The following STK39 variants were observed in gnomAD, a reference collection of about 807,000 sequenced individuals.
STK39 encodes STE20/SPS1-related proline-alanine-rich protein kinase.
A neutral mutation model predicts 77.8 loss-of-function variants in STK39; 20 were observed. The ratio of observed to expected loss-of-function variants is 0.26; its 90% confidence interval spans 0.18 to 0.37. The LOEUF is 0.37. Among genes scored for constraint, STK39 ranks in the 10% least tolerant of loss-of-function variants. The pLI, the probability that STK39 is intolerant of heterozygous loss-of-function variation, is 1.00. For synonymous variants in STK39, 246 were observed against 234.1 expected (o/e 1.05, Z -0.47); for missense variants, 479 against 656.5 (o/e 0.73, Z 2.95).
intron 1 of STK39, among the ~76,000 whole-genome samples, chr2:168,208,792 C>T (rs748324911): frequency 3.3e-5 from 5 of 152,222 alleles, no homozygotes; most frequent in Admixed American, 6.5e-5. Context: ...CTGAGCAGTG[C>T]TCCCATGACT....
chr2:168,097,123 C>T (rs1267760791), intron 10 of STK39, among the ~76,000 whole-genome samples: 1 of 152,208 alleles, frequency 6.6e-6, no homozygotes, highest in African/African-American at 2.4e-5. Context: ...ACAATTCAGG[C>T]AATACACCAC....
At chr2:168,087,422 C>T (rs565606554) in intron 10 of STK39, among the ~76,000 whole-genome samples, 26 of 152,292 alleles carry the variant, frequency 1.7e-4, no homozygotes, top group African/African-American at 5.1e-4. Flanking sequence ...ATTTGTTAGA[C>T]GTGATTAAGT....
At chr2:168,034,480 C>T (rs193208897) in intron 14 of STK39, among the ~76,000 whole-genome samples, 6 of 152,158 alleles carry the variant, frequency 3.9e-5, no homozygotes, top group East Asian at 1.9e-4. Context: ...AAGTCTCTGA[C>T]GAAAAAAGGG....
chr2:168,154,948 A>G (rs1277486922), intron 5 of STK39, among the ~76,000 whole-genome samples: 2 of 152,224 alleles, frequency 1.3e-5, no homozygotes, highest in Non-Finnish European at 2.9e-5. Flanking sequence ...CTCTGCTTTC[A>G]AGTCTAAAAA....
At chr2:168,100,040 C>T (rs1165335747) in intron 10 of STK39, among the ~76,000 whole-genome samples, 1 of 152,130 alleles carries the variant, frequency 6.6e-6, no homozygotes, top group Non-Finnish European at 1.5e-5. Context: ...AAGCAAAATG[C>T]CTGGGTAATT....
At chr2:168,219,342 A>G (rs1690106462) in intron 1 of STK39, among the ~76,000 whole-genome samples, 2 of 152,082 alleles carry the variant, frequency 1.3e-5, no homozygotes, top group Non-Finnish European at 2.9e-5. Flanking sequence ...TTCCACATAC[A>G]CTTAACTCTC....
intron 5 of STK39, among the ~76,000 whole-genome samples, chr2:168,141,662 T>C (rs1338957425): frequency 2.6e-5 from 4 of 152,210 alleles, no homozygotes; most frequent in Admixed American, 2.0e-4. Flanking sequence ...GACTACTTGA[T>C]AGCGAGCTGG....
In STK39 at chr2:168,110,412, A is replaced by AT. The variant is rs749190865; in HGVS notation, c.1089+19128dup. 4.6e-5 allele frequency among the ~76,000 whole-genome samples: 7 copies of AT among 151,860 alleles called. No individual in the cohort carries two copies. The East Asian group carries it at 5.8e-4, about 13-fold the overall frequency. ...CATGCCTGGCTAATTTTTTATTTTT[A>AT]TTTTTTGTAGAGATGCGGTCTCGCT... On this transcript the variant is annotated intron_variant, in intron 10 of 17. Coordinates refer to ENST00000355999, the MANE Select transcript of STK39 (RefSeq NM_013233.3).
At chr2:168,225,480 T>TA (rs1435452742) in intron 1 of STK39, among the ~76,000 whole-genome samples, 1 of 152,148 alleles carries the variant, frequency 6.6e-6, no homozygotes, top group Non-Finnish European at 1.5e-5. Context: ...CATAGTACTT[T>TA]AAATCCAGCA....
chr2:168,198,439 G>A (rs1689528944), intron 1 of STK39, among the ~76,000 whole-genome samples: 1 of 152,096 alleles, frequency 6.6e-6, no homozygotes, highest in Non-Finnish European at 1.5e-5. Flanking sequence ...CTAAAACAAT[G>A]TCAAGTTTGT....
chr2:168,060,028 C>G (rs926741754), intron 14 of STK39, among the ~76,000 whole-genome samples: 6 of 152,050 alleles, frequency 3.9e-5, no homozygotes, highest in Admixed American at 2.6e-4. Context: ...ATGTATTTAC[C>G]ATTTTCGTTT....
chr2:168,158,136 G>A (rs914160665), intron 5 of STK39, among the ~76,000 whole-genome samples: 2 of 152,080 alleles, frequency 1.3e-5, no homozygotes, highest in Admixed American at 6.6e-5. Context: ...CATGACTTTC[G>A]AGTAGCCACT....
At chr2:168,189,820 C>G (rs1489023012) in intron 1 of STK39, among the ~76,000 whole-genome samples, 1 of 152,188 alleles carries the variant, frequency 6.6e-6, no homozygotes, top group East Asian at 1.9e-4. Context: ...AGCTAAAACT[C>G]TATTGTAGGA....
intron 1 of STK39, among the ~76,000 whole-genome samples, chr2:168,195,793 G>C (rs1025023641): frequency 6.6e-6 from 1 of 152,176 alleles, no homozygotes; most frequent in Non-Finnish European, 1.5e-5. Context: ...TAGGTCGGTA[G>C]ATCATCTGAG....
At chr2:167,966,735 A>G (rs989902644) in intron 16 of STK39, among the ~76,000 whole-genome samples, 1 of 152,176 alleles carries the variant, frequency 6.6e-6, no homozygotes, top group Non-Finnish European at 1.5e-5. Context: ...CCAGTTGTGA[A>G]TCTCACACCT....
At chr2:168,080,006 A>G (rs16854677) in intron 10 of STK39, among the ~76,000 whole-genome samples, 3,242 of 152,170 alleles carry the variant, frequency 0.021, 115 homozygotes, top group African/African-American at 0.074. Context: ...CCAACTCTCC[A>G]TTCCTCTCTC....
At chr2:168,087,734 T>A (rs1686406173) in intron 10 of STK39, among the ~76,000 whole-genome samples, 1 of 152,172 alleles carries the variant, frequency 6.6e-6, no homozygotes, top group South Asian at 2.1e-4. Context: ...TACACTAAAA[T>A]CCAGCAGCCT....
At chr2:168,117,553 G>A (rs1266485819) in intron 10 of STK39, among the ~76,000 whole-genome samples, 1 of 152,168 alleles carries the variant, frequency 6.6e-6, no homozygotes, top group Non-Finnish European at 1.5e-5. Flanking sequence ...CTCAAGGTAA[G>A]GAGTAGTACA....
At chr2:167,981,254 TACCCAGA>T (rs1683410068) in intron 16 of STK39, among the ~76,000 whole-genome samples, 1 of 152,216 alleles carries the variant, frequency 6.6e-6, no homozygotes, top group African/African-American at 2.4e-5. Flanking sequence ...AAAGTCTTGC[TACCCAGA>T]AAAAAAGACA....
Sources: allele counts gnomAD v4.1 joint callset (sites outside exome capture counted in the v4.1 genomes callset), GRCh38; gene constraint gnomAD v4.1.1; transcripts MANE v1.5; gene names NCBI Gene and HGNC (gene_info 2026-07-23, HGNC 2026-07-21).